The following RANBP17 variants were observed in gnomAD, a reference collection of about 807,000 sequenced individuals.
The protein encoded by RANBP17 is ran-binding protein 17.
Under a neutral mutation model 141.2 loss-of-function variants are expected in RANBP17, and 158 were observed. The observed-to-expected ratio is 1.12, with a 90% CI of 0.98 to 1.28. RANBP17 has a LOEUF of 1.28. Ranked by LOEUF, RANBP17 falls within the 50% of genes most tolerant of loss-of-function variation. The probability of loss-of-function intolerance (pLI) is 0.00; values close to 1 mark genes in which losing one functional copy is unlikely to be tolerated. For missense variants in RANBP17, 1,438 were observed against 1,290.7 expected (o/e 1.11, Z -1.75); for synonymous variants, 430 against 450.0 (o/e 0.96, Z 0.56).
At chr5:170,908,401 A>G (rs1771247120) in intron 5 of RANBP17, among the ~76,000 whole-genome samples, 1 of 151,854 alleles carries the variant, frequency 6.6e-6, no homozygotes, top group East Asian at 1.9e-4. Flanking sequence ...TCTGAAGCAA[A>G]TTAATGCAGG....
intron 20 of RANBP17, 27 bp downstream of exon 20, chr5:171,205,639 C>T: frequency 6.4e-7 from 1 of 1,558,466 alleles, no homozygotes; most frequent in South Asian, 1.1e-5. Flanking sequence ...GTGACAATAC[C>T]AGCTCTGTGC....
In RANBP17 at chr5:171,170,813, TAAG is replaced by T. The variant is rs373966919; in HGVS notation, c.1785-389_1785-387del. ...AAAGTTAGATAAACAGTCGTGATCATAAGAAGTGAGTTTTGGAGCCACAGATTG... is the reference window on the plus strand; with the variant it reads ...AAAGTTAGATAAACAGTCGTGATCATAAGTGAGTTTTGGAGCCACAGATTG... On this transcript the variant is annotated intron_variant, in intron 15 of 27. Coordinates refer to ENST00000523189, the MANE Select transcript of RANBP17 (RefSeq NM_022897.5). Among the ~76,000 whole-genome samples the T allele has an allele frequency of 3.6e-3, 546 of 152,254 alleles. 4 individuals are homozygous for T. The highest frequency in any genetic ancestry group is 0.012 in the African/African-American group (508 of 41,556).
At chr5:171,012,087 TTGTTTAAAC>T (rs1454228538) in intron 14 of RANBP17, among the ~76,000 whole-genome samples, 1 of 151,430 alleles carries the variant, frequency 6.6e-6, no homozygotes, top group Non-Finnish European at 1.5e-5. Context: ...GTTTGTTTAT[TTGTTTAAAC>T]AAATAATACA....
At chr5:171,287,805 C>T (rs114709303) in intron 25 of RANBP17, among the ~76,000 whole-genome samples, 13,289 of 152,128 alleles carry the variant, frequency 0.087, 814 homozygotes, top group East Asian at 0.2. Context: ...CAGCTCACTG[C>T]AACCTCCACC....
At chr5:171,064,884 C>T (rs1784204730) in intron 14 of RANBP17, among the ~76,000 whole-genome samples, 1 of 151,942 alleles carries the variant, frequency 6.6e-6, no homozygotes, top group South Asian at 2.1e-4. Flanking sequence ...AAAAAAAAAT[C>T]CTTGATTTAT....
intron 21 of RANBP17, among the ~76,000 whole-genome samples, chr5:171,214,040 T>G (rs1409027264): frequency 1.3e-5 from 2 of 152,328 alleles, no homozygotes; most frequent in Middle Eastern, 3.4e-3. Context: ...CTATTTTAAC[T>G]ATTTCAGTGC....
intron 3 of RANBP17, among the ~76,000 whole-genome samples, chr5:170,886,050 T>A (rs1056928523): frequency 2.6e-5 from 4 of 152,158 alleles, no homozygotes; most frequent in African/African-American, 9.7e-5. Context: ...TCCTCAGTGG[T>A]AAAATCCTTC....
intron 14 of RANBP17, among the ~76,000 whole-genome samples, chr5:171,137,906 T>A (rs1337873184): frequency 2.0e-5 from 3 of 150,746 alleles, no homozygotes; most frequent in Non-Finnish European, 4.4e-5. Flanking sequence ...TGTAAATAAG[T>A]AAATATATAT....
chr5:171,202,479 TA>T (rs1368812831), intron 19 of RANBP17, among the ~76,000 whole-genome samples: 1 of 152,226 alleles, frequency 6.6e-6, no homozygotes, highest in Non-Finnish European at 1.5e-5. Context: ...TCCACAATGT[TA>T]AATTATTTAA....
intron 14 of RANBP17, among the ~76,000 whole-genome samples, chr5:171,110,645 A>G (rs1755157314): frequency 6.6e-6 from 1 of 152,180 alleles, no homozygotes; most frequent in Non-Finnish European, 1.5e-5. Flanking sequence ...TGTATACAGG[A>G]GCCTTGACAA....
chr5:171,113,178 G>A (rs943627763), intron 14 of RANBP17, among the ~76,000 whole-genome samples: 1 of 152,156 alleles, frequency 6.6e-6, no homozygotes, highest in East Asian at 1.9e-4. Flanking sequence ...TGCTGAAATA[G>A]TCACTGTCAC....
intron 16 of RANBP17, among the ~76,000 whole-genome samples, chr5:171,176,890 T>G (rs1760520192): frequency 6.6e-6 from 1 of 152,108 alleles, no homozygotes; most frequent in Non-Finnish European, 1.5e-5. Flanking sequence ...CAGGAAAGAG[T>G]AGAGGATGAG....
chr5:171,145,631 A>C (rs1292336314), intron 14 of RANBP17, among the ~76,000 whole-genome samples: 1 of 152,194 alleles, frequency 6.6e-6, no homozygotes, highest in Non-Finnish European at 1.5e-5. Flanking sequence ...GAAAGATTGC[A>C]TAACAAGCGA....
chr5:171,154,064 C>G (rs1261336142), intron 14 of RANBP17, among the ~76,000 whole-genome samples: 3 of 144,622 alleles, frequency 2.1e-5, no homozygotes, highest in East Asian at 2.0e-4. Flanking sequence ...AAATTGCAAA[C>G]AAGACCAAGA....
chr5:171,014,962 C>T (rs553082731), intron 14 of RANBP17, among the ~76,000 whole-genome samples: 9 of 151,990 alleles, frequency 5.9e-5, no homozygotes, highest in African/African-American at 2.2e-4. Flanking sequence ...TTTCCCCTTT[C>T]AATACATTAA....
At chr5:171,193,911 C>T (rs892286820) in intron 18 of RANBP17, among the ~76,000 whole-genome samples, 20 of 152,242 alleles carry the variant, frequency 1.3e-4, no homozygotes, top group Admixed American at 5.9e-4. Flanking sequence ...AGAATTAGAA[C>T]GGATATCTTT....
intron 12 of RANBP17, among the ~76,000 whole-genome samples, chr5:170,933,934 T>G (rs1773631285): frequency 6.6e-6 from 1 of 152,188 alleles, no homozygotes; most frequent in Non-Finnish European, 1.5e-5. Flanking sequence ...TTAGGTCTGC[T>G]TGGTGCAGAG....
chr5:170,996,510 G>A (rs1373182296), intron 14 of RANBP17, among the ~76,000 whole-genome samples: 2 of 152,102 alleles, frequency 1.3e-5, no homozygotes, highest in Non-Finnish European at 2.9e-5. Context: ...TATGAAGAAA[G>A]TTTTCTGTTC....
intron 14 of RANBP17, among the ~76,000 whole-genome samples, chr5:171,148,693 C>T (rs1758259806): frequency 6.6e-6 from 1 of 151,904 alleles, no homozygotes; most frequent in African/African-American, 2.4e-5. Context: ...ATTATTCTGA[C>T]TTGGGTTTAA....
Sources: gnomAD v4.1 joint callset for allele counts (sites outside exome capture counted in the v4.1 genomes callset) on GRCh38, gnomAD v4.1.1 for gene constraint, MANE v1.5 for transcripts, NCBI Gene and HGNC (gene_info 2026-07-23, HGNC 2026-07-21) for gene names.